The following FREM1 variants were observed in gnomAD, a reference collection of about 807,000 sequenced individuals.
FREM1 encodes FRAS1-related extracellular matrix protein 1.
A neutral mutation model predicts 210.1 loss-of-function variants in FREM1; 220 were observed. That is an observed-to-expected ratio of 1.05 (90% CI 0.94 to 1.17). The LOEUF is 1.17. Among genes scored for constraint, FREM1 ranks in the 50% most tolerant of loss-of-function variants. The pLI, the probability that FREM1 is intolerant of heterozygous loss-of-function variation, is 0.00. For missense variants in FREM1, 3,454 were observed against 2,675.5 expected, an observed-to-expected ratio of 1.29 and a Z score of -6.42; for synonymous variants, 1,189 against 980.2, an observed-to-expected ratio of 1.21 and a Z score of -3.98.
intron 25 of FREM1, chr9:14,774,092 C>G (rs1017892897): frequency 7.7e-6 from 4 of 518,868 alleles, no homozygotes; most frequent in Admixed American, 3.9e-5. Flanking sequence ...TATCTTCTTT[C>G]TTCTCCCAGT....
At chr9:14,781,733 C>T (rs894085914) in intron 24 of FREM1, among the ~76,000 whole-genome samples, 10 of 152,104 alleles carry the variant, frequency 6.6e-5, no homozygotes, top group African/African-American at 1.7e-4. Flanking sequence ...GATGGAGTTT[C>T]GCTCTTGTTG....
intron 1 of FREM1, among the ~76,000 whole-genome samples, chr9:14,902,379 T>G (rs1393246228): frequency 1.3e-5 from 2 of 151,848 alleles, no homozygotes; most frequent in African/African-American, 4.8e-5. Flanking sequence ...AAAACTAAAG[T>G]GGGGGAAGGG....
At chr9:14,779,500 G>A in intron 24 of FREM1, 1 of 985,298 alleles carries the variant, frequency 1.0e-6, no homozygotes, top group Non-Finnish European at 1.2e-6. Context: ...CGGCCATCTT[G>A]AATATCTAAT....
Position 14,869,449 on chromosome 9 carries a change from C to T in FREM1, c.-267-205G>A, listed in dbSNP as rs147168327. Among the ~76,000 whole-genome samples the T allele has an allele frequency of 2.9e-3, 445 of 152,294 alleles. 1 individual carries two copies. Among genetic ancestry groups the T allele is most frequent in the African/African-American group, 0.01 (417 of 41,564 alleles). On this transcript the variant is annotated intron_variant, in intron 1 of 36. Coordinates refer to ENST00000380880, the MANE Select transcript of FREM1 (RefSeq NM_001379081.2). ...TTACCCTGCTTATAGCTCCTGCTTC[C>T]GGACTTGACATACCGCTTCCGGACT...
rs375476655 is a variant in FREM1, at chr9:14,775,908, G to A, written c.4738C>T (p.Arg1580Trp). The A allele has an allele frequency of 5.1e-5, 83 of 1,613,774 alleles. No individual in the cohort carries two copies. In the East Asian group the frequency reaches 1.0e-3, roughly 20 times the overall value. The change falls in exon 25 of 37, where the codon CGG (arginine) becomes TGG (tryptophan). Residue 1580 changes from arginine (R) to tryptophan (W), a missense_variant. Coordinates refer to ENST00000380880, the MANE Select transcript of FREM1 (RefSeq NM_001379081.2). ...GTCTGGGAGTCCCCTCCTGAGTGCC[G>A]ATAGGCCACATTCTTGCTGTCCACA... ...QDVDSKNVAY[R>W]HSGGDSQTDC...
rs1158191795 is a variant in FREM1 at position 14,784,340 on chromosome 9, A to AG, written c.4442+29dup. Reference sequence around the variant, plus strand: ...TTTTCTGTAAGTATTAATCCAAAGAAGGGGTTTGAAAAGTTTCCATGGGGC... The same window carrying AG: ...TTTTCTGTAAGTATTAATCCAAAGAAGGGGGTTTGAAAAGTTTCCATGGGGC... On this transcript the variant is annotated intron_variant, in intron 24 of 36. Coordinates refer to ENST00000380880, the MANE Select transcript of FREM1 (RefSeq NM_001379081.2). The AG allele has an allele frequency of 5.0e-6, 8 of 1,598,352 alleles. No individual in the cohort carries two copies. The African/African-American group carries it at 1.1e-4, about 21-fold the overall frequency.
rs966217665 is a variant in FREM1 at position 14,841,564 on chromosome 9, C to T, written c.1764G>A (p.Gln588=). The change falls in exon 10 of 37, where the codon CAG becomes CAA. Residue 588 remains glutamine (Q), a synonymous_variant. Coordinates refer to ENST00000380880, the MANE Select transcript of FREM1 (RefSeq NM_001379081.2). ...AAATGATTCCATTAAACAAATCCCTCTGAAGGAAGCCATGGACAGGATAGC... is the reference window on the plus strand; with the variant it reads ...AAATGATTCCATTAAACAAATCCCTTTGAAGGAAGCCATGGACAGGATAGC... ...LIGYPVHGFL[Q]RDLFNGIIYY... The T allele has an allele frequency of 2.5e-6, 4 of 1,609,662 alleles. No homozygotes were observed. Among genetic ancestry groups the T allele is most frequent in the Admixed American group, 3.3e-5 (2 of 59,874 alleles).
At chr9:14,743,814 T>C (rs1841962908) in intron 35 of FREM1, among the ~76,000 whole-genome samples, 1 of 152,126 alleles carries the variant, frequency 6.6e-6, no homozygotes, top group Non-Finnish European at 1.5e-5. Flanking sequence ...TTTTGTTGCA[T>C]ACTGCAATCA....
chr9:14,784,193 T>C (rs1850051191), intron 24 of FREM1, 177 bp downstream of exon 24: 1 of 530,204 alleles, frequency 1.9e-6, no homozygotes, highest in African/African-American at 1.9e-5. Context: ...TTTTTTCTCC[T>C]TTTCTTTCCT....
chr9:14,751,886 G>T (rs1843460291), intron 29 of FREM1: 1 of 151,336 alleles, frequency 6.6e-6, no homozygotes, highest in African/African-American at 2.4e-5. Context: ...AGGTGTACTT[G>T]GAATAAATAG....
Position 14,819,286 on chromosome 9 carries a change from G to A in FREM1, c.2494C>T (p.Leu832=). Residue 832 remains leucine, a synonymous_variant, in exon 14 of 37, where the codon CTA becomes TTA. Transcript: ENST00000380880. ...CAAGAAAATGTGCCCCCTGAATTTAGAGGAAATCCATTCAGCTCCACCCTT... is the reference window on the plus strand; with the variant it reads ...CAAGAAAATGTGCCCCCTGAATTTAAAGGAAATCCATTCAGCTCCACCCTT... ...HGRVELNGFP[L]NSGGTFSWGD... 1 of 1,613,828 alleles carries A rather than the reference G, an allele frequency of 6.2e-7. No individual in the cohort carries two copies. The highest frequency in any genetic ancestry group is 8.5e-7 in the Non-Finnish European group (1 of 1,179,812).
At chr9:14,830,552 T>C (rs1206447125) in intron 10 of FREM1, among the ~76,000 whole-genome samples, 1 of 152,196 alleles carries the variant, frequency 6.6e-6, no homozygotes, top group African/African-American at 2.4e-5. Flanking sequence ...TGCATAAATA[T>C]GTAAAGACAT....
intron 13 of FREM1, 74 bp downstream of exon 13, chr9:14,823,086 C>G (rs899665143): frequency 1.8e-6 from 2 of 1,127,898 alleles, no homozygotes; most frequent in East Asian, 2.6e-5. Flanking sequence ...AGGAAAGTTA[C>G]CATTTCTAGT....
Position 14,775,968 on chromosome 9 carries a change from T to C in FREM1, c.4678A>G (p.Thr1560Ala). ...GTGAAATTGTGTTGAAGTAGCCCTGTCCCCCACAGGTAGAGCTGGCCATGC... is the reference window on the plus strand; with the variant it reads ...GTGAAATTGTGTTGAAGTAGCCCTGCCCCCCACAGGTAGAGCTGGCCATGC... ...PQHGQLYLWG[T>A]GLLQHNFTQQ... Residue 1560 changes from threonine (T) to alanine (A), a missense_variant, in exon 25 of 37, where the codon ACA becomes GCA. By Grantham distance (58) the Thr-to-Ala change is moderately conservative. Coordinates refer to ENST00000380880, the MANE Select transcript of FREM1 (RefSeq NM_001379081.2). 6.2e-7 allele frequency: 1 copy of C among 1,613,880 alleles called. No individual in the cohort carries two copies. The highest frequency in any genetic ancestry group is 1.1e-5 in the South Asian group (1 of 91,080).
At chr9:14,747,771 C>A in intron 31 of FREM1, 43 bp from the exon 32 acceptor site, 1 of 1,234,720 alleles carries the variant, frequency 8.1e-7, no homozygotes, top group Non-Finnish European at 1.1e-6. Context: ...ATTGGATTGA[C>A]TAATAACTAG....
chr9:14,862,818 T>C (rs2131706944), intron 3 of FREM1, among the ~76,000 whole-genome samples: 1 of 152,110 alleles, frequency 6.6e-6, no homozygotes, highest in African/African-American at 2.4e-5. Context: ...CAGTGCTTCG[T>C]TGTTTTTTTA....
chr9:14,774,411 AACTCCTGCTGAAATT>A (rs1848164962), intron 25 of FREM1, among the ~76,000 whole-genome samples: 1 of 152,008 alleles, frequency 6.6e-6, no homozygotes. Flanking sequence ...TTGCAACGTT[AACTCCTGCTGAAATT>A]TGTAGCCTGC....
chr9:14,877,965 T>C (rs1002677525), intron 1 of FREM1, among the ~76,000 whole-genome samples: 3 of 152,206 alleles, frequency 2.0e-5, no homozygotes, highest in African/African-American at 7.2e-5. Context: ...AGCTACTTCT[T>C]ACTACCTCCA....
intron 24 of FREM1, 74 bp from the exon 25 acceptor site, chr9:14,776,277 T>C: frequency 7.0e-7 from 1 of 1,429,296 alleles, no homozygotes. Context: ...ATGATAACAA[T>C]ACACACCTTT....
Sources: allele counts gnomAD v4.1 joint callset (sites outside exome capture counted in the v4.1 genomes callset), GRCh38; gene constraint gnomAD v4.1.1; transcripts MANE v1.5; gene names NCBI Gene and HGNC (gene_info 2026-07-23, HGNC 2026-07-21).